The following SIPA1L3 variants were observed in gnomAD, a reference collection of about 807,000 sequenced individuals.
SIPA1L3 encodes the protein signal-induced proliferation-associated 1-like protein 3.
Under a neutral mutation model 150.1 loss-of-function variants are expected in SIPA1L3, and 59 were observed. The observed-to-expected ratio is 0.39, with a 90% CI of 0.32 to 0.49. The LOEUF is 0.49. Among genes scored for constraint, SIPA1L3 ranks in the 20% least tolerant of loss-of-function variants. The pLI, the probability that SIPA1L3 is intolerant of heterozygous loss-of-function variation, is 0.86. For missense variants in SIPA1L3, 2,211 were observed against 2,489.5 expected (o/e 0.89, Z 2.38); for synonymous variants, 1,070 against 1,077.6 (o/e 0.99, Z 0.14).
intron 1 of SIPA1L3, among the ~76,000 whole-genome samples, chr19:37,936,790 AAT>A (rs2046604928): frequency 6.6e-6 from 1 of 152,206 alleles, no homozygotes; most frequent in Non-Finnish European, 1.5e-5. Flanking sequence ...TGCTTTGGTT[AAT>A]TACAGGAAAC....
At chr19:38,173,274 C>T (rs981318708) in intron 15 of SIPA1L3, among the ~76,000 whole-genome samples, 4 of 152,256 alleles carry the variant, frequency 2.6e-5, no homozygotes, top group African/African-American at 9.6e-5. Context: ...ACCCTCCCTT[C>T]CCCGGGCTGC....
intron 1 of SIPA1L3, among the ~76,000 whole-genome samples, chr19:37,968,740 A>G (rs2046927572): frequency 6.6e-6 from 1 of 152,232 alleles, no homozygotes; most frequent in Non-Finnish European, 1.5e-5. Flanking sequence ...TTATGATTGC[A>G]GCAACTCTGG....
In SIPA1L3 at chr19:37,979,944, CT is replaced by C. The variant is rs1248814773; in HGVS notation, c.-378-49144del. 4.0e-4 allele frequency among the ~76,000 whole-genome samples: 61 copies of C among 152,348 alleles called. No individual in the cohort carries two copies. In the East Asian group the frequency reaches 5.2e-3, roughly 13 times the overall value. On this transcript the variant is annotated intron_variant, in intron 1 of 21. Coordinates refer to ENST00000222345, the MANE Select transcript of SIPA1L3 (RefSeq NM_015073.3). The stretch of plus-strand genomic sequence containing the variant: ...ACTCACTCTGAGCATTTCTTGGGCC[CT>C]GGCTGCGTGGCAGGCCGCTGGCTGG...
At chr19:38,195,158 C>T (rs1972894256) in intron 18 of SIPA1L3, among the ~76,000 whole-genome samples, 3 of 152,212 alleles carry the variant, frequency 2.0e-5, no homozygotes, top group Admixed American at 2.0e-4. Context: ...CTCACAGAGC[C>T]TTCCTTTTGA....
chr19:38,023,822 G>A (rs752700830), intron 1 of SIPA1L3, among the ~76,000 whole-genome samples: 23 of 152,190 alleles, frequency 1.5e-4, no homozygotes, highest in Non-Finnish European at 2.8e-4. Flanking sequence ...TAGAGGCTGG[G>A]TAGACACTGC....
intron 1 of SIPA1L3, among the ~76,000 whole-genome samples, chr19:37,962,391 G>A (rs920930871): frequency 2.2e-4 from 33 of 149,446 alleles, no homozygotes; most frequent in African/African-American, 8.2e-4. Flanking sequence ...TGATCTGCCC[G>A]CCTCGGCCTC....
chr19:38,166,695 CA>C (rs1027268547), intron 15 of SIPA1L3, among the ~76,000 whole-genome samples: 181 of 152,210 alleles, frequency 1.2e-3, no homozygotes, highest in African/African-American at 4.1e-3. Flanking sequence ...CCCCTGAGTC[CA>C]CAGCCCCACA....
chr19:37,945,240 G>GT (rs951711816), intron 1 of SIPA1L3, among the ~76,000 whole-genome samples: 115 of 145,120 alleles, frequency 7.9e-4, no homozygotes, highest in African/African-American at 1.3e-3. Flanking sequence ...GTCTTAGGTT[G>GT]TTTTTTTTTT....
chr19:37,921,251 C>G (rs572115950), intron 1 of SIPA1L3, among the ~76,000 whole-genome samples: 1 of 152,216 alleles, frequency 6.6e-6, no homozygotes, highest in Admixed American at 6.5e-5. Context: ...GCTCCCCGCT[C>G]CCATCACTGC....
rs1310615222 is a variant in SIPA1L3 at position 38,164,270 on chromosome 19, C to T, written c.3781-209C>T. On this transcript the variant is annotated intron_variant, in intron 14 of 21. Transcript: ENST00000222345. The surrounding 1 kb of genome is among the most constrained non-coding windows in gnomAD (Gnocchi z 4.1). ...CCTCTGAGCAGCCCCATGAGGCAGG[C>T]TTACTATCACCCTCCATTTTACAGA... Among the ~76,000 whole-genome samples, 17 of 152,124 alleles carry T rather than the reference C, an allele frequency of 1.1e-4. 1 individual carries two copies. Among genetic ancestry groups the T allele is most frequent in the Non-Finnish European group, 2.5e-4 (17 of 68,014 alleles).
At chr19:38,142,861 T>C in intron 12 of SIPA1L3, 151 bp downstream of exon 12, 9 of 1,008,524 alleles carry the variant, frequency 8.9e-6, no homozygotes, top group Non-Finnish European at 1.3e-5. Flanking sequence ...CATGGGGTGG[T>C]TATGTCTCAA....
At chr19:38,025,016 C>T (rs758200619) in intron 1 of SIPA1L3, among the ~76,000 whole-genome samples, 3 of 152,174 alleles carry the variant, frequency 2.0e-5, no homozygotes, top group Non-Finnish European at 4.4e-5. Context: ...ACTTAATTCT[C>T]GGCCCCTTCC....
At chr19:38,146,923 G>A (rs1971713097) in intron 12 of SIPA1L3, among the ~76,000 whole-genome samples, 1 of 152,112 alleles carries the variant, frequency 6.6e-6, no homozygotes, top group Non-Finnish European at 1.5e-5. Flanking sequence ...GGTGTTCTGT[G>A]TCTAAGAGTT....
At chr19:38,089,599 T>G (rs1970217437) in intron 4 of SIPA1L3, among the ~76,000 whole-genome samples, 2 of 152,220 alleles carry the variant, frequency 1.3e-5, no homozygotes, top group Admixed American at 1.3e-4. Context: ...CCACAGGTAC[T>G]GCTGTTATGC....
intron 2 of SIPA1L3, among the ~76,000 whole-genome samples, chr19:38,039,200 A>C (rs550014180): frequency 3.9e-5 from 6 of 152,202 alleles, no homozygotes; most frequent in African/African-American, 1.4e-4. Flanking sequence ...CTGATTATCA[A>C]AGTAATGCTT....
chr19:38,037,903 T>C (rs1279800440), intron 2 of SIPA1L3, among the ~76,000 whole-genome samples: 4 of 152,080 alleles, frequency 2.6e-5, no homozygotes, highest in Non-Finnish European at 5.9e-5. Context: ...AGCTCAACAA[T>C]AGCCTGGGGG....
At chr19:38,124,148 G>T (rs1203780504) in intron 9 of SIPA1L3, among the ~76,000 whole-genome samples, 5 of 149,616 alleles carry the variant, frequency 3.3e-5, no homozygotes, top group African/African-American at 4.9e-5. Flanking sequence ...GGGCGGAGAC[G>T]CTCCTCACTT....
At chr19:38,103,193 C>G (rs1393156374) in intron 6 of SIPA1L3, among the ~76,000 whole-genome samples, 1 of 151,030 alleles carries the variant, frequency 6.6e-6, no homozygotes, top group Non-Finnish European at 1.5e-5. Flanking sequence ...GGTTGGCTGT[C>G]TGGGGAGAGG....
Position 37,969,242 on chromosome 19 carries a change from GA to G in SIPA1L3, c.-378-59840del, listed in dbSNP as rs1233597702. The stretch of plus-strand genomic sequence containing the variant: ...AGAGAGACCCCATCTCTGTTAAAAA[GA>G]AAAAAAGAAAAGAAAAAAACCTTAT... On this transcript the variant is annotated intron_variant, in intron 1 of 21. Transcript: ENST00000222345. Among the ~76,000 whole-genome samples the G allele has an allele frequency of 4.0e-5, 6 of 148,946 alleles. No individual in the cohort carries two copies. In the East Asian group the frequency reaches 1.0e-3, roughly 25 times the overall value.
Sources: allele counts gnomAD v4.1 joint callset (sites outside exome capture counted in the v4.1 genomes callset), GRCh38; gene constraint gnomAD v4.1.1; non-coding constraint Gnocchi (gnomAD v3.1); transcripts MANE v1.5; gene names NCBI Gene and HGNC (gene_info 2026-07-23, HGNC 2026-07-21).